Variants in MBNL1 observed in about 807,000 individuals in gnomAD.
MBNL1 encodes muscleblind like splicing regulator 1.
Under a neutral mutation model 42.2 loss-of-function variants are expected in MBNL1, and 8 were observed. The ratio of observed to expected loss-of-function variants is 0.19; its 90% confidence interval spans 0.11 to 0.34. The LOEUF (loss-of-function observed/expected upper bound fraction) is 0.34. Ranked by LOEUF, MBNL1 falls within the 10% of genes least tolerant of loss-of-function variation. The pLI is 1.00. For missense variants in MBNL1, 309 were observed against 495.3 expected (o/e 0.62, Z 3.57); for synonymous variants, 169 against 173.9 (o/e 0.97, Z 0.22).
chr3:152,296,726 T>G (rs989515345), intron 1 of MBNL1, among the ~76,000 whole-genome samples: 1 of 151,456 alleles, frequency 6.6e-6, no homozygotes, highest in Non-Finnish European at 1.5e-5. Flanking sequence ...TTCAGTGTGT[T>G]CATGTGTTGT....
intron 2 of MBNL1, among the ~76,000 whole-genome samples, chr3:152,307,696 G>A (rs941022218): frequency 6.6e-6 from 1 of 152,122 alleles, no homozygotes; most frequent in African/African-American, 2.4e-5. Flanking sequence ...TTCACAGCCT[G>A]TACTCTTAAT....
chr3:152,443,808 A>G (rs2099180717), intron 4 of MBNL1, among the ~76,000 whole-genome samples: 1 of 152,200 alleles, frequency 6.6e-6, no homozygotes, highest in Admixed American at 6.5e-5. Context: ...AACTGAGTGT[A>G]GTGGTGAATG....
intron 1 of MBNL1, among the ~76,000 whole-genome samples, chr3:152,297,353 T>G (rs1224812507): frequency 1.3e-5 from 2 of 149,684 alleles, no homozygotes; most frequent in Non-Finnish European, 3.0e-5. Flanking sequence ...GGTTTTTTTT[T>G]TTTTTTTTTT....
chr3:152,273,421 T>A (rs943519207), intron 1 of MBNL1, among the ~76,000 whole-genome samples: 1 of 152,308 alleles, frequency 6.6e-6, no homozygotes. Flanking sequence ...GTTTTTTTCA[T>A]AACAGATCCA....
intron 3 of MBNL1, among the ~76,000 whole-genome samples, chr3:152,422,643 A>G (rs967390760): frequency 1.6e-4 from 24 of 152,366 alleles, no homozygotes; most frequent in Non-Finnish European, 2.6e-4. Context: ...TCAACAGAAT[A>G]TACATTCTTC....
intron 2 of MBNL1, among the ~76,000 whole-genome samples, chr3:152,356,755 C>T (rs867280009): frequency 6.6e-5 from 10 of 152,168 alleles, no homozygotes; most frequent in Middle Eastern, 3.4e-3. Flanking sequence ...GGATTACAGG[C>T]GTGAGCCACC....
intron 2 of MBNL1, among the ~76,000 whole-genome samples, chr3:152,314,290 CTT>C (rs151238500): frequency 1.2e-3 from 179 of 145,818 alleles, no homozygotes; most frequent in Non-Finnish European, 2.3e-3. Flanking sequence ...TTTATCACAG[CTT>C]TTTTTTTTTC....
intron 2 of MBNL1, among the ~76,000 whole-genome samples, chr3:152,322,119 A>G (rs2076825121): frequency 6.6e-6 from 1 of 152,114 alleles, no homozygotes; most frequent in Non-Finnish European, 1.5e-5. Context: ...AGAGAAAAAC[A>G]TTAGAACTCT....
At chr3:152,400,884 A>G (rs1018031759) in intron 2 of MBNL1, among the ~76,000 whole-genome samples, 6 of 152,210 alleles carry the variant, frequency 3.9e-5, no homozygotes, top group African/African-American at 1.4e-4. Context: ...AAAACTCTGG[A>G]AAAGGTTGTG....
intron 2 of MBNL1, among the ~76,000 whole-genome samples, 195 bp from the exon 3 acceptor site, chr3:152,414,746 G>A (rs1243218540): frequency 6.6e-6 from 1 of 152,080 alleles, no homozygotes; most frequent in Non-Finnish European, 1.5e-5. Flanking sequence ...TTCTTTAAAT[G>A]TCTCAACCTC....
At chr3:152,337,683 C>T (rs2091285724) in intron 2 of MBNL1, among the ~76,000 whole-genome samples, 4 of 150,222 alleles carry the variant, frequency 2.7e-5, no homozygotes, top group Admixed American at 1.3e-4. Flanking sequence ...TATTTTCTGT[C>T]CTTCCTCTTC....
At chr3:152,250,760 C>A (rs941237060) in intron 2 of MBNL1, among the ~76,000 whole-genome samples, 4 of 151,526 alleles carry the variant, frequency 2.6e-5, no homozygotes, top group African/African-American at 9.7e-5. Context: ...GTGGGTTTGT[C>A]ATAGATAGCT....
chr3:152,458,321 G>A, intron 8 of MBNL1: 2 of 742,620 alleles, frequency 2.7e-6, no homozygotes, highest in South Asian at 1.7e-5. Flanking sequence ...GCCAGACTGT[G>A]GATTGTAGTA....
chr3:152,382,691 G>A (rs753489471), intron 2 of MBNL1, among the ~76,000 whole-genome samples: 23 of 152,184 alleles, frequency 1.5e-4, no homozygotes, highest in Admixed American at 5.2e-4. Flanking sequence ...ATATAAAAAG[G>A]AGTTGAATAG....
chr3:152,377,185 A>G (rs774979256), intron 2 of MBNL1, among the ~76,000 whole-genome samples: 8 of 152,162 alleles, frequency 5.3e-5, no homozygotes, highest in Non-Finnish European at 8.8e-5. Context: ...TTTTGATAAG[A>G]TGATATTTTA....
intron 3 of MBNL1, among the ~76,000 whole-genome samples, chr3:152,421,263 CAGG>C (rs1278698358): frequency 6.6e-6 from 1 of 152,118 alleles, no homozygotes; most frequent in Non-Finnish European, 1.5e-5. Context: ...GAGCTAGCTG[CAGG>C]AGATTTTTTT....
intron 1 of MBNL1, among the ~76,000 whole-genome samples, chr3:152,282,060 A>G (rs567035417): frequency 6.6e-6 from 1 of 152,248 alleles, no homozygotes; most frequent in South Asian, 2.1e-4. Context: ...AATAGAATAA[A>G]TGTATGAAGC....
chr3:152,281,440 A>G (rs2048411411), intron 1 of MBNL1, among the ~76,000 whole-genome samples: 1 of 152,100 alleles, frequency 6.6e-6, no homozygotes, highest in Non-Finnish European at 1.5e-5. Context: ...TTTAAGCATT[A>G]TGGTCATGAA....
chr3:152,333,968 T>C (rs2087335365), intron 2 of MBNL1, among the ~76,000 whole-genome samples: 1 of 152,210 alleles, frequency 6.6e-6, no homozygotes. Flanking sequence ...AGTTTCCTTG[T>C]TTCCAAAATG....
Sources: allele counts gnomAD v4.1 joint callset (sites outside exome capture counted in the v4.1 genomes callset), GRCh38; gene constraint gnomAD v4.1.1; transcripts MANE v1.5; gene names NCBI Gene and HGNC (gene_info 2026-07-23, HGNC 2026-07-21).